BRSK2: variants seen among roughly 807,000 people sequenced by gnomAD.
BRSK2 encodes serine/threonine-protein kinase BRSK2.
In BRSK2, 19 loss-of-function variants were observed where a neutral mutation model predicts 83.3. That is an observed-to-expected ratio of 0.23 (90% CI 0.16 to 0.33). BRSK2 has a LOEUF of 0.33. Among genes scored for constraint, BRSK2 ranks in the 10% least tolerant of loss-of-function variants. The pLI is 1.00. For synonymous variants in BRSK2, 519 were observed against 435.4 expected, an observed-to-expected ratio of 1.19 and a Z score of -2.39; for missense variants, 798 against 1,042.3, an observed-to-expected ratio of 0.77 and a Z score of 3.23.
In BRSK2 at chr11:1,436,023, C is replaced by G; in HGVS notation, c.92-17C>G. The G allele has an allele frequency of 6.3e-7, 1 of 1,597,766 alleles. No homozygotes were observed. The highest frequency in any genetic ancestry group is 1.1e-5 in the South Asian group (1 of 88,568). ...GCACCCTGGGTGGGTCTGAGCGCGGCTGCTTCTCTCCCGCAGGTCTGGTGA... is the reference window on the plus strand; with the variant it reads ...GCACCCTGGGTGGGTCTGAGCGCGGGTGCTTCTCTCCCGCAGGTCTGGTGA... On this transcript the variant is annotated splice_polypyrimidine_tract_variant and intron_variant, in intron 1 of 19. Transcript: ENST00000528841.
chr11:1,415,612 T>G (rs1322963040), intron 1 of BRSK2, among the ~76,000 whole-genome samples: 1 of 152,248 alleles, frequency 6.6e-6, no homozygotes, highest in Non-Finnish European at 1.5e-5. Context: ...CAGCCTCATT[T>G]GGGTTTTTTA....
intron 12 of BRSK2, among the ~76,000 whole-genome samples, chr11:1,446,133 T>TGCTGGACTGGACTGGGCTAGGCTGA (rs1852063628): frequency 7.9e-6 from 1 of 125,870 alleles, no homozygotes; most frequent in Non-Finnish European, 1.6e-5. Context: ...GGCTGGGCTG[T>TGCTGGACTGGACTGGGCTAGGCTGA]GCTGGACTGG....
At chr11:1,436,013 C>A in intron 1 of BRSK2, 27 bp from the exon 2 acceptor site, 2 of 1,575,082 alleles carry the variant, frequency 1.3e-6, no homozygotes, top group Admixed American at 1.7e-5. Context: ...CTGGGTGGGT[C>A]TGAGCGCGGC....
chr11:1,443,734 G>A (rs1045129211), intron 8 of BRSK2, 99 bp downstream of exon 8: 15 of 1,383,396 alleles, frequency 1.1e-5, no homozygotes, highest in Non-Finnish European at 1.3e-5. Context: ...AGACGTGTGG[G>A]CACCCAGGTG....
At chr11:1,458,268 G>A (rs571228202) in intron 18 of BRSK2, among the ~76,000 whole-genome samples, 70 of 152,148 alleles carry the variant, frequency 4.6e-4, no homozygotes, top group African/African-American at 1.6e-3. Context: ...GTGTGGTACC[G>A]CCTGTCAGCA....
rs1414721776 is a variant in BRSK2 at position 1,440,653 on chromosome 11, T to C, written c.273-135T>C. The stretch of plus-strand genomic sequence containing the variant: ...CACCATAGTCAGGGCTCCTCTCAGC[T>C]GCCCCCCCAGCCAGCAAGAGGATGG... On this transcript the variant is annotated intron_variant, in intron 3 of 19. Transcript: ENST00000528841. 9.1e-6 allele frequency: 10 copies of C among 1,094,942 alleles called. No homozygotes were observed. In the African/African-American group the frequency reaches 1.6e-4, roughly 18 times the overall value. 67.8% of individuals were successfully genotyped at this position (1,094,942 alleles called of 1,614,324 possible).
At position 1,459,252 on chromosome 11, in the gene BRSK2, C is replaced by G; in HGVS notation, c.1987+13C>G. On this transcript the variant is annotated intron_variant, in intron 19 of 19. Transcript: ENST00000528841. ...CTTTCCAAATGTGGTAAGAATCCCC[C>G]ACGCTCACCTGGCACCTCCACCTGC... 1 of 1,613,418 alleles carries G rather than the reference C, an allele frequency of 6.2e-7. No homozygotes were observed. Among genetic ancestry groups the G allele is most frequent in the Non-Finnish European group, 8.5e-7 (1 of 1,179,658 alleles).
rs1590741346 is a variant in BRSK2 at position 1,460,733 on chromosome 11, C to G, written c.*10C>G. 1 of 103,392 alleles carries G rather than the reference C, an allele frequency of 9.7e-6. No individual in the cohort carries two copies. The highest frequency in any genetic ancestry group is 1.9e-4 in the South Asian group (1 of 5,158). The allele number at this position is 103,392 out of a possible 1,614,324, so 6.4% of individuals were successfully genotyped here. ...CCGCGAGCAGCCTTAGACACACTAG[C>G]CCCCCCCCCCAGCACAGCACTGACA... On this transcript the variant is annotated 3_prime_UTR_variant, in exon 20 of 20. Coordinates refer to ENST00000528841, the MANE Select transcript of BRSK2 (RefSeq NM_001256627.2).
rs1847627916 is a variant in BRSK2 at position 1,462,684 on chromosome 11, A to G, written c.*1961A>G. 1 of 152,330 alleles carries G rather than the reference A, an allele frequency of 6.6e-6. No individual in the cohort carries two copies. Among genetic ancestry groups the G allele is most frequent in the East Asian group, 1.9e-4 (1 of 5,190 alleles). The allele number at this position is 152,330 out of a possible 1,614,324, so 9.4% of individuals were successfully genotyped here. A position where few individuals can be genotyped will look rare whatever the true frequency, so the allele number is the denominator to read the frequency against. ...TCCGGAACAATAAATCCCTTCCGCA[A>G]AGACAGCGACGCAGGTCTTCATCTG... On this transcript the variant is annotated 3_prime_UTR_variant, in exon 20 of 20. Transcript: ENST00000528841.
At chr11:1,450,100 C>T (rs1356695471) in intron 13 of BRSK2, among the ~76,000 whole-genome samples, 3 of 152,098 alleles carry the variant, frequency 2.0e-5, no homozygotes, top group Non-Finnish European at 4.4e-5. Context: ...TGCCTGCCTC[C>T]CCACCCTCCC....
intron 16 of BRSK2, among the ~76,000 whole-genome samples, chr11:1,455,781 G>A (rs756677442): frequency 7.2e-5 from 11 of 151,818 alleles, no homozygotes; most frequent in African/African-American, 1.9e-4. Flanking sequence ...AGGCGGCTGT[G>A]TGCCAGCCTG....
intron 1 of BRSK2, among the ~76,000 whole-genome samples, chr11:1,412,662 A>G: frequency 6.6e-6 from 1 of 152,148 alleles, no homozygotes; most frequent in South Asian, 2.1e-4. Flanking sequence ...AGCAGAGCTG[A>G]GGTGTCTGTG....
intron 12 of BRSK2, chr11:1,447,761 G>A (rs376013673): frequency 4.0e-4 from 632 of 1,583,026 alleles, no homozygotes; most frequent in Non-Finnish European, 4.9e-4. Flanking sequence ...GCGTGTGGCC[G>A]TCAGTAACTG....
intron 16 of BRSK2, 87 bp from the exon 17 acceptor site, chr11:1,456,261 G>C: frequency 7.4e-7 from 1 of 1,352,748 alleles, no homozygotes; most frequent in South Asian, 1.5e-5. Flanking sequence ...GTGCACGGTG[G>C]GGCTGGCTCG....
In BRSK2 at chr11:1,433,458, G is replaced by A. The variant is rs117443913; in HGVS notation, c.92-2582G>A. On this transcript the variant is annotated intron_variant, in intron 1 of 19. Coordinates refer to ENST00000528841, the MANE Select transcript of BRSK2 (RefSeq NM_001256627.2). Reference sequence around the variant, plus strand: ...AGAGCCTCTGTCTTGGCCTCCGGCTGCATCCTCCCAGGAGTTTGTCCTGAG... The same window carrying A: ...AGAGCCTCTGTCTTGGCCTCCGGCTACATCCTCCCAGGAGTTTGTCCTGAG... Among the ~76,000 whole-genome samples, 1,336 of 152,366 alleles carry A rather than the reference G, an allele frequency of 8.8e-3. 53 individuals are homozygous for A. Among genetic ancestry groups the A allele is most frequent in the Admixed American group, 0.06 (915 of 15,310 alleles).
intron 8 of BRSK2, among the ~76,000 whole-genome samples, chr11:1,443,871 C>G (rs1201849152): frequency 6.6e-6 from 1 of 151,928 alleles, no homozygotes; most frequent in East Asian, 1.9e-4. Context: ...TGTGTGCGCA[C>G]CCAGGTGTGG....
At chr11:1,457,240 C>T (rs1300715982) in intron 18 of BRSK2, among the ~76,000 whole-genome samples, 3 of 152,294 alleles carry the variant, frequency 2.0e-5, no homozygotes, top group East Asian at 3.9e-4. Flanking sequence ...CAAGGCCCTG[C>T]CCTCGGGACT....
chr11:1,453,118 G>A (rs1193992282), intron 15 of BRSK2, among the ~76,000 whole-genome samples: 9 of 152,216 alleles, frequency 5.9e-5, no homozygotes, highest in Admixed American at 5.9e-4. Context: ...TGTGAGGAAG[G>A]GTCCCCCGCC....
At chr11:1,457,759 C>G (rs1590712546) in intron 18 of BRSK2, among the ~76,000 whole-genome samples, 1 of 152,154 alleles carries the variant, frequency 6.6e-6, no homozygotes, top group African/African-American at 2.4e-5. Flanking sequence ...TGCCCCTCCC[C>G]ATGACATCCT....
Sources: gnomAD v4.1 joint callset for allele counts (sites outside exome capture counted in the v4.1 genomes callset) on GRCh38, gnomAD v4.1.1 for gene constraint, MANE v1.5 for transcripts, NCBI Gene and HGNC (gene_info 2026-07-23, HGNC 2026-07-21) for gene names.